CSMD1: variants seen among roughly 807,000 people sequenced by gnomAD.
CSMD1 encodes the protein CUB and sushi domain-containing protein 1.
In CSMD1, 213 loss-of-function variants were observed where a neutral mutation model predicts 417.5. The ratio of observed to expected loss-of-function variants is 0.51; its 90% CI spans 0.46 to 0.57. CSMD1 has a LOEUF of 0.57. Ranked by LOEUF, CSMD1 falls within the 20% of genes least tolerant of loss-of-function variation. The pLI, the probability that CSMD1 is intolerant of heterozygous loss-of-function variation, is 0.00. For synonymous variants in CSMD1, 2,862 were observed against 1,736.8 expected (o/e 1.65, Z -16.11); for missense variants, 6,923 against 4,529.7 (o/e 1.53, Z -15.17).
intron 3 of CSMD1, among the ~76,000 whole-genome samples, chr8:4,200,814 G>C (rs891768961): frequency 6.6e-6 from 1 of 152,126 alleles, no homozygotes; most frequent in Non-Finnish European, 1.5e-5. Flanking sequence ...ACTATTGTTA[G>C]GCCACTGCAC....
chr8:4,584,987 A>G (rs1287899928), intron 2 of CSMD1, among the ~76,000 whole-genome samples: 2 of 152,100 alleles, frequency 1.3e-5, no homozygotes, highest in Non-Finnish European at 2.9e-5. Flanking sequence ...GGGGAAATCA[A>G]ACCTCAACCA....
intron 1 of CSMD1, among the ~76,000 whole-genome samples, chr8:4,725,551 C>T (rs1809376137): frequency 6.6e-6 from 1 of 152,142 alleles, no homozygotes; most frequent in African/African-American, 2.4e-5. Context: ...CAGGATATTT[C>T]TAGTTTTGAG....
chr8:4,057,580 T>G (rs1017335218), intron 3 of CSMD1, among the ~76,000 whole-genome samples: 3 of 151,960 alleles, frequency 2.0e-5, no homozygotes, highest in African/African-American at 7.3e-5. Context: ...GCCATTGCTT[T>G]TGGTGTTATA....
intron 9 of CSMD1, among the ~76,000 whole-genome samples, chr8:3,576,272 A>AATAATG (rs1800147548): frequency 2.7e-5 from 1 of 37,270 alleles, no homozygotes; most frequent in African/African-American, 1.2e-4. Flanking sequence ...ATGTCAAAAT[A>AATAATG]ATAATAATAA....
intron 3 of CSMD1, among the ~76,000 whole-genome samples, chr8:4,077,400 A>G (rs2130800403): frequency 6.6e-6 from 1 of 150,608 alleles, no homozygotes; most frequent in East Asian, 1.9e-4. Flanking sequence ...TTTTATTATA[A>G]TAAGCTCTTA....
chr8:4,055,277 T>C (rs183857876), intron 3 of CSMD1, among the ~76,000 whole-genome samples: 1 of 152,172 alleles, frequency 6.6e-6, no homozygotes, highest in Admixed American at 6.5e-5. Flanking sequence ...ACAATTTTTG[T>C]ATTATTGTTT....
chr8:3,440,772 T>C (rs188347700), intron 12 of CSMD1, among the ~76,000 whole-genome samples: 227 of 152,258 alleles, frequency 1.5e-3, no homozygotes, highest in Middle Eastern at 6.8e-3. Flanking sequence ...ATTCTAAGTG[T>C]TTTTTTGTTT....
At chr8:4,814,121 C>G (rs1196253366) in intron 1 of CSMD1, among the ~76,000 whole-genome samples, 6 of 152,120 alleles carry the variant, frequency 3.9e-5, no homozygotes, top group Non-Finnish European at 8.8e-5. Flanking sequence ...ACGGCCTCAG[C>G]CTATTTCTTG....
chr8:3,970,258 G>C (rs1026152990), intron 5 of CSMD1, among the ~76,000 whole-genome samples: 7 of 152,154 alleles, frequency 4.6e-5, no homozygotes, highest in East Asian at 1.9e-4. Flanking sequence ...AAACAGACCA[G>C]AACGCTGTAT....
At chr8:3,225,459 C>T (rs112984258) in intron 27 of CSMD1, among the ~76,000 whole-genome samples, 20 of 151,868 alleles carry the variant, frequency 1.3e-4, no homozygotes, top group African/African-American at 4.8e-4. Context: ...CAGGGCAGTG[C>T]CTCCTCAGAA....
chr8:4,466,010 C>T (rs937487026), intron 2 of CSMD1, among the ~76,000 whole-genome samples: 1 of 152,288 alleles, frequency 6.6e-6, no homozygotes, highest in Middle Eastern at 3.4e-3. Flanking sequence ...TAAAGATGTG[C>T]AATCACATTT....
Position 3,553,140 on chromosome 8 carries a change from G to A in CSMD1, c.1344+21805C>T, listed in dbSNP as rs879479234. Among the ~76,000 whole-genome samples the A allele has an allele frequency of 2.0e-4, 30 of 148,926 alleles. No homozygotes were observed. In the East Asian group the frequency reaches 3.6e-3, roughly 18 times the overall value. ...GGACAAGGAGAAAAAAAAAAAGAAA[G>A]GAAAGACCTACTCTGAATATCTTTC... On this transcript the variant is annotated intron_variant, in intron 10 of 69. Transcript: ENST00000635120.
chr8:4,941,189 T>G (rs1372059494), intron 1 of CSMD1, among the ~76,000 whole-genome samples: 3 of 152,198 alleles, frequency 2.0e-5, no homozygotes, highest in African/African-American at 7.2e-5. Flanking sequence ...AACAAAAATA[T>G]TGTAACATTC....
At chr8:4,756,514 G>A (rs1297585100) in intron 1 of CSMD1, among the ~76,000 whole-genome samples, 1 of 152,160 alleles carries the variant, frequency 6.6e-6, no homozygotes, top group Admixed American at 6.5e-5. Context: ...TTAACCCCAT[G>A]CTTAATATTA....
intron 5 of CSMD1, among the ~76,000 whole-genome samples, chr8:3,922,863 T>A (rs190583710): frequency 3.5e-4 from 53 of 152,300 alleles, no homozygotes; most frequent in Admixed American, 1.1e-3. Context: ...TATTGGGATA[T>A]GTGGAGGAAA....
chr8:3,127,842 A>G (rs954086633), intron 41 of CSMD1: 2 of 151,402 alleles, frequency 1.3e-5, no homozygotes, highest in Non-Finnish European at 2.9e-5. Flanking sequence ...GGAAGATACT[A>G]AAGAACAAAG....
At chr8:4,141,956 A>T (rs562836609) in intron 3 of CSMD1, among the ~76,000 whole-genome samples, 1 of 151,220 alleles carries the variant, frequency 6.6e-6, no homozygotes, top group Admixed American at 6.6e-5. Flanking sequence ...TCATGGTGTT[A>T]ATTTGTTTAT....
At chr8:4,736,508 A>C (rs1423481291) in intron 1 of CSMD1, among the ~76,000 whole-genome samples, 2 of 152,154 alleles carry the variant, frequency 1.3e-5, no homozygotes, top group African/African-American at 4.8e-5. Context: ...CAGATACTCA[A>C]GCATACACTG....
intron 7 of CSMD1, among the ~76,000 whole-genome samples, chr8:3,628,062 G>A (rs936072396): frequency 6.6e-6 from 1 of 152,132 alleles, no homozygotes; most frequent in African/African-American, 2.4e-5. Context: ...AAAACAGAAC[G>A]TGGTGTAATT....
Sources: allele counts gnomAD v4.1 joint callset (sites outside exome capture counted in the v4.1 genomes callset), GRCh38; gene constraint gnomAD v4.1.1; transcripts MANE v1.5; gene names NCBI Gene and HGNC (gene_info 2026-07-23, HGNC 2026-07-21).